PLCB2: variants seen among roughly 807,000 people sequenced by gnomAD.
PLCB2 encodes phospholipase C beta 2, also known as 1-phosphatidylinositol 4,5-bisphosphate phosphodiesterase beta-2.
PLCB2 carries 115 observed loss-of-function variants against 141.7 expected under a neutral mutation model. The ratio of observed to expected loss-of-function variants is 0.81; its 90% CI spans 0.70 to 0.95. PLCB2 has a LOEUF of 0.95. PLCB2 is among the 40% of genes least tolerant of loss of function. The probability of loss-of-function intolerance (pLI) is 0.00; values close to 1 mark genes in which losing one functional copy is unlikely to be tolerated. For synonymous variants in PLCB2, 603 were observed against 595.6 expected, an observed-to-expected ratio of 1.01 and a Z score of -0.18; for missense variants, 1,403 against 1,541.1, an observed-to-expected ratio of 0.91 and a Z score of 1.50.
At chr15:40,307,097 G>A (rs2040834813) in intron 1 of PLCB2, among the ~76,000 whole-genome samples, 1 of 152,194 alleles carries the variant, frequency 6.6e-6, no homozygotes, top group Non-Finnish European at 1.5e-5. Flanking sequence ...AGGTCCAGGG[G>A]CCTTTTGTGG....
chr15:40,307,070 G>A (rs1174100163), intron 1 of PLCB2, among the ~76,000 whole-genome samples: 1 of 152,358 alleles, frequency 6.6e-6, no homozygotes, highest in East Asian at 1.9e-4. Flanking sequence ...GGGAGCAGAA[G>A]CCTCTAGTTC....
At chr15:40,306,560 A>G (rs966174442) in intron 1 of PLCB2, among the ~76,000 whole-genome samples, 1 of 151,966 alleles carries the variant, frequency 6.6e-6, no homozygotes, top group Non-Finnish European at 1.5e-5. Context: ...CTGCCATGCT[A>G]CACCAACCCC....
In PLCB2 at chr15:40,302,977, C is replaced by T. The variant is rs142805578; in HGVS notation, c.231+311G>A. Among the ~76,000 whole-genome samples the T allele has an allele frequency of 4.4e-4, 67 of 152,350 alleles. 1 individual carries two copies. The highest frequency in any genetic ancestry group is 1.5e-3 in the African/African-American group (62 of 41,586). ...CCAGCATTAGGCAAATATAGGCAAA[C>T]TAGTCCGGGGGTGGGGGTGTAAGCC... is the stretch of plus-strand genomic sequence containing the variant. On this transcript the variant is annotated intron_variant, in intron 3 of 31. Coordinates refer to ENST00000260402, the MANE Select transcript of PLCB2 (RefSeq NM_004573.3).
intron 1 of PLCB2, among the ~76,000 whole-genome samples, chr15:40,306,085 G>A (rs896122662): frequency 6.6e-6 from 1 of 152,182 alleles, no homozygotes; most frequent in Non-Finnish European, 1.5e-5. Context: ...CCATGGCCAG[G>A]GGGAGAGCTT....
At chr15:40,300,851 G>A (rs1417764888) in intron 7 of PLCB2, 1 of 152,244 alleles carries the variant, frequency 6.6e-6, no homozygotes, top group African/African-American at 2.4e-5. Context: ...GGAGCAGAGG[G>A]TCTGAGCAGG....
Position 40,292,853 on chromosome 15 carries a change from C to G in PLCB2, c.2326+73G>C, listed in dbSNP as rs1000208258. On this transcript the variant is annotated intron_variant, in intron 21 of 31. Coordinates refer to ENST00000260402, the MANE Select transcript of PLCB2 (RefSeq NM_004573.3). ...GGTAAGGCCTCACTCCAGGCCCCCT[C>G]CCAGAAGCTGCCCCACCCTGTGCAC... 1.2e-5 allele frequency: 12 copies of G among 966,558 alleles called. No homozygotes were observed. In the East Asian group the frequency reaches 3.0e-4, roughly 25 times the overall value. 59.9% of individuals were successfully genotyped at this position (966,558 alleles called of 1,614,324 possible).
Position 40,291,383 on chromosome 15 carries a change from G to A in PLCB2, c.2752C>T (p.Arg918Trp), listed in dbSNP as rs1426347844. 4 of 1,531,900 alleles carry A rather than the reference G, an allele frequency of 2.6e-6. No homozygotes were observed. The South Asian group carries it at 3.6e-5, about 14-fold the overall frequency. 94.9% of individuals were successfully genotyped at this position (1,531,900 alleles called of 1,614,324 possible). Reference sequence around the variant, plus strand: ...CGCTGCAGCAGCTCCTCCCAGCGCCGCGCTCCGCGCCGCTCCAACTCTCGC... The same window carrying A: ...CGCTGCAGCAGCTCCTCCCAGCGCCACGCTCCGCGCCGCTCCAACTCTCGC... ...ELRELERRGA[R>W]RWEELLQRGA... is the part of the protein sequence containing the mutation. The change falls in exon 26 of 32, where the codon CGG (arginine) becomes TGG (tryptophan). Residue 918 changes from arginine to tryptophan, a missense_variant. Around this residue, in one of 4 missense-constraint regions of PLCB2, gnomAD observed 290 missense variants for 245.9 expected, o/e 1.18. Transcript: ENST00000260402.
chr15:40,296,350 TG>T lies in PLCB2; in HGVS notation c.1641del (p.Ser548AlafsTer2), dbSNP rs761447634. 1 of 1,613,838 alleles carries T rather than the reference TG, an allele frequency of 6.2e-7. No homozygotes were observed. Among genetic ancestry groups the T allele is most frequent in the Admixed American group, 1.7e-5 (1 of 59,986 alleles). Reference protein sequence around the residue: ...GLEVTAYEEMSSLVNYIQPTK... With the variant: ...GLEVTAYEEMXSLVNYIQPTK... ...GTGGGCTGGATGTAATTGACTAGGC[TG>T]GACATCTCCTCATAAGCCGTCACTT... On this transcript the variant is annotated frameshift_variant, in exon 16 of 32. Transcript: ENST00000260402. LOFTEE classifies it high-confidence loss of function.
In PLCB2 at chr15:40,297,587, C is replaced by T; in HGVS notation, c.1257G>A (p.Lys419=). ...AGATCGTCCGGCAATACTCAGCCAT[C>T]TTAGCCTGCTGGCGGGGTCTGCGGG... ...NHVDSPRQQA[K]MAEYCRTIFG... is the part of the protein sequence containing the mutation. Residue 419 remains lysine, a synonymous_variant, in exon 13 of 32, where the codon AAG becomes AAA. Transcript: ENST00000260402. This position sits in a 1 kb window ranked among gnomAD's most constrained non-coding sequence, Gnocchi z 4.2. 1 of 1,614,134 alleles carries T rather than the reference C, an allele frequency of 6.2e-7. No homozygotes were observed. The highest frequency in any genetic ancestry group is 8.5e-7 in the Non-Finnish European group (1 of 1,179,986).
chr15:40,294,931 C>T lies in PLCB2; in HGVS notation c.1906+5G>A, dbSNP rs545756242. ...GGATTCTTAGGGGCCTGGGAATGCCCTCACCCATCGTCTGGAAGTTGAGGG... is the reference window on the plus strand; with the variant it reads ...GGATTCTTAGGGGCCTGGGAATGCCTTCACCCATCGTCTGGAAGTTGAGGG... On this transcript the variant is annotated splice_donor_5th_base_variant and intron_variant, in intron 18 of 31. Coordinates refer to ENST00000260402, the MANE Select transcript of PLCB2 (RefSeq NM_004573.3). 64 of 1,614,046 alleles carry T rather than the reference C, an allele frequency of 4.0e-5. No homozygotes were observed. The South Asian group carries it at 6.4e-4, about 16-fold the overall frequency.
At chr15:40,294,889 G>A in intron 18 of PLCB2, 47 bp downstream of exon 18, 2 of 1,612,870 alleles carry the variant, frequency 1.2e-6, no homozygotes, top group Non-Finnish European at 1.7e-6. Context: ...AAGGTGGGGG[G>A]CGCAGGGACC....
At position 40,291,130 on chromosome 15, in the gene PLCB2, C is replaced by T. The variant is rs1322415069; in HGVS notation, c.2924G>A (p.Gly975Asp). 1.3e-6 allele frequency: 2 copies of T among 1,574,430 alleles called. No homozygotes were observed. The highest frequency in any genetic ancestry group is 1.7e-6 in the Non-Finnish European group (2 of 1,168,042). Residue 975 changes from glycine to aspartate, a missense_variant, in exon 27 of 32, where the codon GGC becomes GAC. Gly to Asp is a moderately conservative substitution (Grantham distance 94, BLOSUM62 -1). This residue lies in a region of PLCB2 where 290 missense variants were observed against 245.9 expected (regional missense o/e 1.18). Coordinates refer to ENST00000260402, the MANE Select transcript of PLCB2 (RefSeq NM_004573.3). ...CAGCTCCCGCACGCGCCCGTCCACGCCCTCAGGGCCCTCGCCCGGCGCGGC... is the reference window on the plus strand; with the variant it reads ...CAGCTCCCGCACGCGCCCGTCCACGTCCTCAGGGCCCTCGCCCGGCGCGGC... ...AGAAPGEGPE[G>D]VDGRVRELKD...
chr15:40,307,639 T>C lies in PLCB2; in HGVS notation c.34A>G (p.Lys12Glu). The C allele has an allele frequency of 1.3e-6, 2 of 1,583,922 alleles. No homozygotes were observed. Among genetic ancestry groups the C allele is most frequent in the African/African-American group, 1.4e-5 (1 of 73,930 alleles). ...CCTTGGCTCAGATAGGCCTTCACCTTGGGGGGCAGCAGGACAGGGTTGAGC... is the reference window on the plus strand; with the variant it reads ...CCTTGGCTCAGATAGGCCTTCACCTCGGGGGGCAGCAGGACAGGGTTGAGC... ...SLLNPVLLPPKVKAYLSQGER... is the reference protein window; with the variant it reads ...SLLNPVLLPPEVKAYLSQGER... Residue 12 changes from lysine (K) to glutamate (E), a missense_variant, in exon 1 of 32, where the codon AAG becomes GAG. Coordinates refer to ENST00000260402, the MANE Select transcript of PLCB2 (RefSeq NM_004573.3).
chr15:40,289,107 C>A (rs999591855), intron 31 of PLCB2, 165 bp downstream of exon 31: 1 of 1,015,840 alleles, frequency 9.8e-7, no homozygotes. Context: ...CCTAACCAGG[C>A]GGAGATCTGC....
chr15:40,302,776 G>A (rs972683332), intron 3 of PLCB2, among the ~76,000 whole-genome samples, 167 bp from the exon 4 acceptor site: 4 of 152,190 alleles, frequency 2.6e-5, no homozygotes, highest in Non-Finnish European at 4.4e-5. Flanking sequence ...TGACTCCAGC[G>A]GCTGGGATGG....
At chr15:40,289,546 C>T in intron 30 of PLCB2, 188 bp from the exon 31 acceptor site, 1 of 602,460 alleles carries the variant, frequency 1.7e-6, no homozygotes, top group South Asian at 1.9e-5. Flanking sequence ...TTATACAAGA[C>T]AGCTCATGTG....
At chr15:40,292,792 A>G in intron 21 of PLCB2, 134 bp downstream of exon 21, 1 of 606,202 alleles carries the variant, frequency 1.6e-6, no homozygotes, top group East Asian at 2.7e-5. Flanking sequence ...CTGGAGAGGT[A>G]CTGTTCTGCC....
intron 31 of PLCB2, 22 bp from the exon 32 acceptor site, chr15:40,288,940 C>G (rs1422072886): frequency 1.2e-6 from 2 of 1,609,632 alleles, no homozygotes; most frequent in Non-Finnish European, 1.7e-6. Flanking sequence ...GCAAGGACCC[C>G]TGCCTGGCTC....
At position 40,294,284 on chromosome 15, in the gene PLCB2, G is replaced by T; in HGVS notation, c.2043C>A (p.Ala681=). 1 of 1,613,930 alleles carries T rather than the reference G, an allele frequency of 6.2e-7. No individual in the cohort carries two copies. The highest frequency in any genetic ancestry group is 8.5e-7 in the Non-Finnish European group (1 of 1,180,028). Residue 681 remains alanine, a synonymous_variant, in exon 19 of 32, where the codon GCC becomes GCA. Coordinates refer to ENST00000260402, the MANE Select transcript of PLCB2 (RefSeq NM_004573.3). The part of the protein sequence containing the change: ...FSVDRIDVVV[A]TTLSITVISG... ...GCCTTGCCGTAATGGAAAGGGTGGT[G>T]GCCACCACCACGTCGATGCGGTCCA... is the stretch of plus-strand genomic sequence containing the variant.
Sources: gnomAD v4.1 joint callset for allele counts (sites outside exome capture counted in the v4.1 genomes callset) on GRCh38, gnomAD v4.1.1 for gene constraint, gnomAD v4.1.1 regional missense constraint, Gnocchi (gnomAD v3.1) non-coding constraint, MANE v1.5 for transcripts, NCBI Gene and HGNC (gene_info 2026-07-23, HGNC 2026-07-21) for gene names.